PPP3CA: variants seen among roughly 807,000 people sequenced by gnomAD.
The protein encoded by PPP3CA is CAM-PRP catalytic subunit.
A neutral mutation model predicts 66.5 loss-of-function variants in PPP3CA; 14 were observed. The observed-to-expected ratio is 0.21, with a 90% CI of 0.14 to 0.33. The LOEUF (loss-of-function observed/expected upper bound fraction) is 0.33, where lower values mean the gene tolerates loss of function less well. Among genes scored for constraint, PPP3CA ranks in the 10% least tolerant of loss-of-function variants. The pLI, the probability that PPP3CA is intolerant of heterozygous loss-of-function variation, is 1.00. For missense variants in PPP3CA, 317 were observed against 639.5 expected (o/e 0.50, Z 5.44); for synonymous variants, 232 against 226.2 (o/e 1.03, Z -0.23).
At chr4:101,085,894 C>T (rs1234352577) in intron 6 of PPP3CA, among the ~76,000 whole-genome samples, 3 of 151,196 alleles carry the variant, frequency 2.0e-5, no homozygotes, top group African/African-American at 4.9e-5. Flanking sequence ...AGAGAGAGAA[C>T]GGCAGGAAAA....
At position 101,084,362 on chromosome 4, in the gene PPP3CA, C is replaced by T. The variant is rs559852480; in HGVS notation, c.783-1099G>A. 2.7e-4 allele frequency among the ~76,000 whole-genome samples: 41 copies of T among 152,186 alleles called. No individual in the cohort carries two copies. In the South Asian group the frequency reaches 3.7e-3, roughly 14 times the overall value. On this transcript the variant is annotated intron_variant, in intron 6 of 13. Transcript: ENST00000394854. ...ATCATTAAGATAACATACAGTTGGCCGGGCATCGTGGGTCACACCTGTAAT... is the reference window on the plus strand; with the variant it reads ...ATCATTAAGATAACATACAGTTGGCTGGGCATCGTGGGTCACACCTGTAAT...
chr4:101,152,934 T>C (rs1232418076), intron 2 of PPP3CA, among the ~76,000 whole-genome samples: 1 of 152,172 alleles, frequency 6.6e-6, no homozygotes, highest in African/African-American at 2.4e-5. Context: ...AGATTTCCCA[T>C]AGGAGTGACA....
intron 2 of PPP3CA, among the ~76,000 whole-genome samples, chr4:101,170,102 C>T (rs1404391755): frequency 6.6e-6 from 1 of 152,078 alleles, no homozygotes; most frequent in Non-Finnish European, 1.5e-5. Context: ...ACAGCTGTAA[C>T]ACAAGATACA....
intron 2 of PPP3CA, among the ~76,000 whole-genome samples, chr4:101,148,136 C>T (rs1439430866): frequency 6.6e-6 from 1 of 151,986 alleles, no homozygotes; most frequent in African/African-American, 2.4e-5. Flanking sequence ...AAAGCTAAGT[C>T]TTGTCATGAT....
At chr4:101,028,858 A>G (rs951245160) in intron 13 of PPP3CA, among the ~76,000 whole-genome samples, 8 of 152,174 alleles carry the variant, frequency 5.3e-5, no homozygotes, top group Non-Finnish European at 1.5e-5. Context: ...TTGTTTTATA[A>G]GCTACTGGTC....
chr4:101,054,153 A>G (rs1728127605), intron 10 of PPP3CA, among the ~76,000 whole-genome samples: 1 of 151,340 alleles, frequency 6.6e-6, no homozygotes, highest in Admixed American at 6.6e-5. Context: ...AAAGATTAAT[A>G]TATTCCCCCT....
intron 2 of PPP3CA, among the ~76,000 whole-genome samples, chr4:101,194,068 T>A (rs1461612287): frequency 6.6e-6 from 1 of 152,196 alleles, no homozygotes; most frequent in East Asian, 1.9e-4. Flanking sequence ...TATCGGTCAG[T>A]AACTTACAGA....
chr4:101,174,133 G>A (rs535525625), intron 2 of PPP3CA, among the ~76,000 whole-genome samples: 10 of 150,822 alleles, frequency 6.6e-5, no homozygotes, highest in East Asian at 3.9e-4. Flanking sequence ...AAAAAACCAC[G>A]TTGTTAACAA....
chr4:101,315,130 G>T (rs371367669), intron 1 of PPP3CA, among the ~76,000 whole-genome samples: 17 of 152,154 alleles, frequency 1.1e-4, no homozygotes, highest in Middle Eastern at 3.4e-3. Flanking sequence ...CCTCCTACAT[G>T]GGATTCACGT....
At chr4:101,162,760 T>C (rs1578509769) in intron 2 of PPP3CA, among the ~76,000 whole-genome samples, 1 of 152,062 alleles carries the variant, frequency 6.6e-6, no homozygotes, top group South Asian at 2.1e-4. Context: ...GGTTTAAAAG[T>C]TTTCACCAGC....
At chr4:101,087,912 C>T (rs957152506) in intron 6 of PPP3CA, among the ~76,000 whole-genome samples, 1 of 152,128 alleles carries the variant, frequency 6.6e-6, no homozygotes, top group Non-Finnish European at 1.5e-5. Context: ...GTGACCTTCT[C>T]TGCAGAATTC....
chr4:101,044,247 T>C (rs1325866726), intron 10 of PPP3CA, among the ~76,000 whole-genome samples: 2 of 152,200 alleles, frequency 1.3e-5, no homozygotes, highest in East Asian at 3.9e-4. Context: ...CCAGAGATCA[T>C]TAAAACTCTT....
Position 101,282,175 on chromosome 4 carries a change from T to C in PPP3CA, c.58+64564A>G, listed in dbSNP as rs199991310. Among the ~76,000 whole-genome samples the C allele has an allele frequency of 8.5e-5, 13 of 152,238 alleles. No individual in the cohort carries two copies. The East Asian group carries it at 2.1e-3, about 25-fold the overall frequency. On this transcript the variant is annotated intron_variant, in intron 1 of 13. Transcript: ENST00000394854. ...ATCATTTTAAATCTGGCTTAACTGC[T>C]AAGGCCAATTTTGAGTAGAAGTGTT...
chr4:101,164,568 T>TTTTG (rs1723630609), intron 2 of PPP3CA, among the ~76,000 whole-genome samples: 1 of 150,374 alleles, frequency 6.7e-6, no homozygotes, highest in Non-Finnish European at 1.5e-5. Context: ...TTAAGTTTTT[T>TTTTG]TTTTTTTTTA....
At chr4:101,319,901 T>C (rs1728988179) in intron 1 of PPP3CA, among the ~76,000 whole-genome samples, 2 of 152,190 alleles carry the variant, frequency 1.3e-5, no homozygotes, top group African/African-American at 2.4e-5. Flanking sequence ...GACTACGTCA[T>C]GTACATGTAG....
chr4:101,324,481 T>C (rs1027372357), intron 1 of PPP3CA, among the ~76,000 whole-genome samples: 1 of 152,184 alleles, frequency 6.6e-6, no homozygotes, highest in Non-Finnish European at 1.5e-5. Flanking sequence ...ACAAAGTATG[T>C]GCCTGGAACT....
At chr4:101,223,776 A>G (rs1725698041) in intron 1 of PPP3CA, among the ~76,000 whole-genome samples, 1 of 151,908 alleles carries the variant, frequency 6.6e-6, no homozygotes, top group African/African-American at 2.4e-5. Flanking sequence ...TCATTATAAC[A>G]GCAACGCTCT....
chr4:101,306,325 A>T (rs1728534480), intron 1 of PPP3CA, among the ~76,000 whole-genome samples: 1 of 152,090 alleles, frequency 6.6e-6, no homozygotes, highest in Non-Finnish European at 1.5e-5. Flanking sequence ...TCACTCTTGA[A>T]TCAGCACTCT....
At chr4:101,246,829 T>C (rs1726496171) in intron 1 of PPP3CA, among the ~76,000 whole-genome samples, 1 of 151,982 alleles carries the variant, frequency 6.6e-6, no homozygotes, top group Admixed American at 6.6e-5. Flanking sequence ...AATTAAAGAG[T>C]AGTGCTAATG....
Sources: allele counts gnomAD v4.1 joint callset (sites outside exome capture counted in the v4.1 genomes callset), GRCh38; gene constraint gnomAD v4.1.1; transcripts MANE v1.5; gene names NCBI Gene and HGNC (gene_info 2026-07-23, HGNC 2026-07-21).